Variants in PSMC3 observed in about 807,000 individuals in gnomAD.
PSMC3 encodes the protein proteasome 26S subunit, ATPase 3, also known as 26S proteasome regulatory subunit 6A.
In PSMC3, 11 loss-of-function variants were observed where a neutral mutation model predicts 52.0. The observed-to-expected ratio is 0.21, with a 90% CI of 0.13 to 0.35. The LOEUF (loss-of-function observed/expected upper bound fraction) is 0.35, where lower values mean the gene tolerates loss of function less well. PSMC3 is among the 10% of genes least tolerant of loss of function. The pLI is 1.00. For missense variants in PSMC3, 238 were observed against 567.1 expected (o/e 0.42, Z 5.89); for synonymous variants, 201 against 218.8 (o/e 0.92, Z 0.72).
chr11:47,425,678 C>A, intron 2 of PSMC3, 189 bp downstream of exon 2: 1 of 577,420 alleles, frequency 1.7e-6, no homozygotes. Context: ...CCAGGCCTCC[C>A]ACCACCCCCT....
intron 2 of PSMC3, 21 bp from the exon 3 acceptor site, chr11:47,425,267 G>T (rs757029914): frequency 1.2e-6 from 2 of 1,613,748 alleles, no homozygotes; most frequent in Non-Finnish European, 1.7e-6. Flanking sequence ...GAGGGGAGGA[G>T]AAGCAAATAT....
intron 10 of PSMC3, 121 bp from the exon 11 acceptor site, chr11:47,419,318 C>T (rs1319626003): frequency 1.0e-6 from 1 of 984,672 alleles, no homozygotes; most frequent in East Asian, 2.5e-5. Flanking sequence ...AGAGGCAAGT[C>T]CCTTACTCAA....
intron 10 of PSMC3, 50 bp downstream of exon 10, chr11:47,420,214 T>C (rs1216690537): frequency 6.3e-7 from 1 of 1,598,412 alleles, no homozygotes; most frequent in African/African-American, 1.3e-5. Flanking sequence ...GGCAGAGACA[T>C]CCTCCTGCGC....
Position 47,424,724 on chromosome 11 carries a change from A to C in PSMC3, c.286-13T>G. ...CAACATCCAGGAGCTGGGAAGGAAA[A>C]AATACTCAGCTCCTTGAACTCCCCA... On this transcript the variant is annotated splice_polypyrimidine_tract_variant and intron_variant, in intron 3 of 11. Transcript: ENST00000298852. The surrounding 1 kb of genome is among the most constrained non-coding windows in gnomAD (Gnocchi z 4.8). The C allele has an allele frequency of 6.3e-7, 1 of 1,591,208 alleles. No homozygotes were observed. The highest frequency in any genetic ancestry group is 8.6e-7 in the Non-Finnish European group (1 of 1,159,282).
Position 47,418,895 on chromosome 11 carries a change from G to A in PSMC3, c.1260C>T (p.Tyr420=). 6.2e-7 allele frequency: 1 copy of A among 1,614,198 alleles called. No individual in the cohort carries two copies. Among genetic ancestry groups the A allele is most frequent in the South Asian group, 1.1e-5 (1 of 91,088 alleles). The change falls in exon 12 of 12, where the codon TAC becomes TAT. Residue 420 remains tyrosine (Y), a synonymous_variant. Transcript: ENST00000298852. ...RGATELTHED[Y]MEGILEVQAK... is the part of the protein sequence containing the mutation. ...CCTGCACCTCCAGGATGCCTTCCAT[G>A]TAGTCCTCGTGGGTGAGCTCCGTGG... is the stretch of plus-strand genomic sequence containing the variant.
chr11:47,425,599 G>A, intron 2 of PSMC3: 1 of 537,444 alleles, frequency 1.9e-6, no homozygotes, highest in Non-Finnish European at 3.3e-6. Context: ...TTTACTAAAA[G>A]AAGGATTCTT....
In PSMC3 at chr11:47,420,259, C is replaced by T. The variant is rs778653587; in HGVS notation, c.1127+5G>A. The stretch of plus-strand genomic sequence containing the variant: ...TCTCTGTGCCCTGCCCGTGCTCCTG[C>T]TCACCTGACATTCATCTTTCGGGAG... On this transcript the variant is annotated splice_donor_5th_base_variant and intron_variant, in intron 10 of 11. Transcript: ENST00000298852. 4.3e-6 allele frequency: 7 copies of T among 1,614,112 alleles called. No homozygotes were observed. Among genetic ancestry groups the T allele is most frequent in the Non-Finnish European group, 5.9e-6 (7 of 1,180,014 alleles).
In PSMC3 at chr11:47,418,779, C is replaced by A; in HGVS notation, c.*56G>T. 1 of 1,523,546 alleles carries A rather than the reference C, an allele frequency of 6.6e-7. No homozygotes were observed. The highest frequency in any genetic ancestry group is 1.1e-5 in the South Asian group (1 of 87,728). The allele number at this position is 1,523,546 out of a possible 1,614,324, so 94.4% of individuals were successfully genotyped here. ...AGGCAGACAAGCAGCGGCAGGGACC[C>A]TAAACCATCTTTTATTGCGCACTTC... On this transcript the variant is annotated 3_prime_UTR_variant, in exon 12 of 12. Transcript: ENST00000298852.
intron 6 of PSMC3, 132 bp downstream of exon 6, chr11:47,423,914 C>T: frequency 7.7e-7 from 1 of 1,298,698 alleles, no homozygotes; most frequent in Non-Finnish European, 1.1e-6. Context: ...CCTCACCTGT[C>T]ACATGGCACC....
intron 11 of PSMC3, 45 bp downstream of exon 11, chr11:47,419,071 G>T (rs1429046761): frequency 1.9e-6 from 3 of 1,611,254 alleles, no homozygotes; most frequent in African/African-American, 1.3e-5. Flanking sequence ...CAGGGAGGGG[G>T]CAAGAAGGCA....
chr11:47,420,467 G>A (rs184454223), intron 9 of PSMC3, 58 bp from the exon 10 acceptor site: 125 of 1,575,944 alleles, frequency 7.9e-5, no homozygotes, highest in Middle Eastern at 5.1e-4. Flanking sequence ...GGGCAGACAC[G>A]GTCAAAAAAG....
At chr11:47,423,027 C>T in intron 6 of PSMC3, 54 bp from the exon 7 acceptor site, 1 of 1,532,854 alleles carries the variant, frequency 6.5e-7, no homozygotes, top group South Asian at 1.2e-5. Flanking sequence ...CTTCTACAGC[C>T]CAACCCTTCA....
rs775253701 is a variant in PSMC3, at chr11:47,419,866, T to TA, written c.1127+397dup. On this transcript the variant is annotated intron_variant, in intron 10 of 11. Coordinates refer to ENST00000298852, the MANE Select transcript of PSMC3 (RefSeq NM_002804.5). ...AGAGCGAGACACTGTCTCCAAAAAT[T>TA]AAAAAAAAAAAAAAAAGTAAGGCTG... 5.0e-3 allele frequency among the ~76,000 whole-genome samples: 639 copies of TA among 127,424 alleles called. 4 individuals are homozygous for TA. Among genetic ancestry groups the TA allele is most frequent in the African/African-American group, 0.015 (511 of 34,454 alleles). The allele number at this position is 127,424 out of a possible 152,430, so 83.6% of individuals were successfully genotyped here.
chr11:47,420,798 T>C, intron 8 of PSMC3, 71 bp from the exon 9 acceptor site: 1 of 1,418,322 alleles, frequency 7.1e-7, no homozygotes, highest in East Asian at 2.5e-5. Flanking sequence ...CTCTACCCCC[T>C]GGAAGCCTAA....
intron 2 of PSMC3, 189 bp downstream of exon 2, chr11:47,425,678 C>T (rs983703913): frequency 1.7e-4 from 99 of 577,300 alleles, no homozygotes; most frequent in Non-Finnish European, 2.1e-5. Context: ...CCAGGCCTCC[C>T]ACCACCCCCT....
chr11:47,421,849 AC>A (rs1482817721), intron 8 of PSMC3, among the ~76,000 whole-genome samples: 1 of 151,652 alleles, frequency 6.6e-6, no homozygotes, highest in Non-Finnish European at 1.5e-5. Context: ...GATGTGTTTC[AC>A]CATGTTGGCC....
chr11:47,419,058 G>C, intron 11 of PSMC3, 58 bp downstream of exon 11: 1 of 1,610,266 alleles, frequency 6.2e-7, no homozygotes, highest in East Asian at 2.2e-5. Flanking sequence ...CCCCCATCCT[G>C]TCCAGGGAGG....
chr11:47,424,423 A>T lies in PSMC3; in HGVS notation c.453+6T>A. On this transcript the variant is annotated splice_donor_region_variant and intron_variant, in intron 5 of 11. Transcript: ENST00000298852. This position sits in a 1 kb window ranked among gnomAD's most constrained non-coding sequence, Gnocchi z 4.8. ...AAAGCACTGCCTGGGCTCAGGCCCC[A>T]CTCACCACCAGGTCTCCTGGCTTTA... 1 of 1,614,006 alleles carries T rather than the reference A, an allele frequency of 6.2e-7. No homozygotes were observed. Among genetic ancestry groups the T allele is most frequent in the East Asian group, 2.2e-5 (1 of 44,892 alleles).
In PSMC3 at chr11:47,418,984, G is replaced by C. The variant is rs371099815; in HGVS notation, c.1210-39C>G. The C allele has an allele frequency of 4.2e-5, 67 of 1,609,978 alleles. No individual in the cohort carries two copies. The African/African-American group carries it at 8.4e-4, about 20-fold the overall frequency. ...AAACAGAGTCTAGGTCTGAACGCCT[G>C]AATGCCTTCCCTGGCTCCCTGAGGC... On this transcript the variant is annotated intron_variant, in intron 11 of 11. Coordinates refer to ENST00000298852, the MANE Select transcript of PSMC3 (RefSeq NM_002804.5).
Sources: gnomAD v4.1 joint callset for allele counts (sites outside exome capture counted in the v4.1 genomes callset) on GRCh38, gnomAD v4.1.1 for gene constraint, Gnocchi (gnomAD v3.1) non-coding constraint, MANE v1.5 for transcripts, NCBI Gene and HGNC (gene_info 2026-07-23, HGNC 2026-07-21) for gene names.